The following WDR93 variants were observed in gnomAD, a reference collection of about 807,000 sequenced individuals.
WDR93 encodes the protein WD repeat-containing protein 93.
WDR93 carries 73 observed loss-of-function variants against 82.9 expected under a neutral mutation model. That is an observed-to-expected ratio of 0.88 (90% confidence interval 0.73 to 1.07). The LOEUF (loss-of-function observed/expected upper bound fraction) is 1.07, where lower values mean the gene tolerates loss of function less well. WDR93 is among the 50% of genes least tolerant of loss of function. The pLI is 0.00. For synonymous variants in WDR93, 283 were observed against 300.1 expected (o/e 0.94, Z 0.59); for missense variants, 738 against 826.0 (o/e 0.89, Z 1.31).
At chr15:89,694,034 A>G (rs1009901774) in intron 1 of WDR93, among the ~76,000 whole-genome samples, 1 of 152,204 alleles carries the variant, frequency 6.6e-6, no homozygotes, top group Non-Finnish European at 1.5e-5. Context: ...GAGCATTCTT[A>G]TTGTACATCT....
At chr15:89,691,698 C>T (rs988200874) in intron 1 of WDR93, among the ~76,000 whole-genome samples, 1 of 151,512 alleles carries the variant, frequency 6.6e-6, no homozygotes, top group African/African-American at 2.4e-5. Context: ...CCAGCCTGGG[C>T]GACAGAGCGA....
chr15:89,694,162 A>G (rs1965036885), intron 1 of WDR93, among the ~76,000 whole-genome samples: 1 of 151,554 alleles, frequency 6.6e-6, no homozygotes, highest in African/African-American at 2.4e-5. Context: ...ACATCTTTTT[A>G]TGAGTCTATC....
chr15:89,707,654 TG>T (rs1965782314), intron 4 of WDR93, among the ~76,000 whole-genome samples: 1 of 152,090 alleles, frequency 6.6e-6, no homozygotes, highest in Non-Finnish European at 1.5e-5. Flanking sequence ...CCATACCAAG[TG>T]TTGGCAAAGA....
chr15:89,700,274 C>T (rs369001234), intron 1 of WDR93, among the ~76,000 whole-genome samples: 1 of 152,132 alleles, frequency 6.6e-6, no homozygotes, highest in Non-Finnish European at 1.5e-5. Context: ...GTGAGCTCAG[C>T]TTACTCTCCC....
rs1965552587 is a variant in WDR93, at chr15:89,703,137, A to C, written c.491A>C (p.Glu164Ala). ...GAAATACTCATTGCTCCTGTGGATG[A>C]AATGGGTATTGTTCTTCATCTTCCT... The part of the protein sequence containing the change: ...GNEILIAPVD[E>A]MGIIRLFYFY... Residue 164 changes from glutamate (E) to alanine (A), a missense_variant, in exon 3 of 17, where the codon GAA becomes GCA. Physicochemically the swap from Glu to Ala is moderately radical, Grantham distance 107. Coordinates refer to ENST00000268130, the MANE Select transcript of WDR93 (RefSeq NM_020212.2). The C allele has an allele frequency of 1.2e-6, 2 of 1,614,164 alleles. No individual in the cohort carries two copies. The highest frequency in any genetic ancestry group is 1.1e-5 in the South Asian group (1 of 91,086).
intron 3 of WDR93, 39 bp downstream of exon 3, chr15:89,703,181 G>T (rs766531719): frequency 1.9e-6 from 3 of 1,609,004 alleles, no homozygotes; most frequent in East Asian, 2.2e-5. Flanking sequence ...TCATTTACAG[G>T]TACCTGTAGA....
At chr15:89,690,511 A>C, upstream of WDR93, 1 of 1,215,948 alleles carries the variant, frequency 8.2e-7, no homozygotes, top group South Asian at 1.3e-5. Flanking sequence ...TCCCGGGTGC[A>C]GGGGAATAGG....
Position 89,721,991 on chromosome 15 carries a change from A to G in WDR93, c.796-64A>G. On this transcript the variant is annotated intron_variant, in intron 7 of 16. Coordinates refer to ENST00000268130, the MANE Select transcript of WDR93 (RefSeq NM_020212.2). ...TTTTCCACCTTCTTTTAAAATTAGT[A>G]TTTTTAATTATTCTATTTCCTCTCT... 5.4e-6 allele frequency: 6 copies of G among 1,106,288 alleles called. No homozygotes were observed. The South Asian group carries it at 5.9e-5, about 11-fold the overall frequency. 68.5% of individuals were successfully genotyped at this position (1,106,288 alleles called of 1,614,324 possible).
chr15:89,710,479 A>T (rs938990145), intron 4 of WDR93, among the ~76,000 whole-genome samples: 1 of 152,230 alleles, frequency 6.6e-6, no homozygotes, highest in Admixed American at 6.5e-5. Flanking sequence ...GATAATGGTA[A>T]CGTCCTATAC....
At position 89,729,729 on chromosome 15, in the gene WDR93, C is replaced by T; in HGVS notation, c.1170C>T (p.Phe390=). The T allele has an allele frequency of 3.7e-6, 6 of 1,613,458 alleles. No homozygotes were observed. Among genetic ancestry groups the T allele is most frequent in the Admixed American group, 1.7e-5 (1 of 59,914 alleles). ...LGIHWTRSHN[F]FLYSLNRTLK... ...TACACTGGACCAGAAGTCACAATTT[C>T]TTCCTGTATTCACTAAACCGAACTC... is the stretch of plus-strand genomic sequence containing the variant. Residue 390 remains phenylalanine (F), a synonymous_variant, in exon 11 of 17, where the codon TTC becomes TTT. Coordinates refer to ENST00000268130, the MANE Select transcript of WDR93 (RefSeq NM_020212.2).
At chr15:89,730,581 T>C (rs191064343) in intron 11 of WDR93, among the ~76,000 whole-genome samples, 84 of 152,194 alleles carry the variant, frequency 5.5e-4, no homozygotes, top group Non-Finnish European at 1.0e-3. Context: ...TAAGGAAATA[T>C]AGGTTGTTGT....
At chr15:89,724,187 C>CA in intron 8 of WDR93, among the ~76,000 whole-genome samples, 1 of 146,042 alleles carries the variant, frequency 6.8e-6, no homozygotes, top group Non-Finnish European at 1.5e-5. Flanking sequence ...AAAAAAAATA[C>CA]AAAAATTAGC....
intron 8 of WDR93, among the ~76,000 whole-genome samples, chr15:89,726,475 C>T (rs1371376015): frequency 1.3e-5 from 2 of 152,200 alleles, no homozygotes; most frequent in East Asian, 3.8e-4. Context: ...TCTGAGGAAG[C>T]AGTCAAGGGC....
rs376180675 is a variant in WDR93 at position 89,702,049 on chromosome 15, G to T, written c.303G>T (p.Gln101His). The change falls in exon 2 of 17, where the codon CAG becomes CAT. Residue 101 changes from glutamine (Q) to histidine (H), a missense_variant and splice_region_variant. Transcript: ENST00000268130. ...TCTACCCTCCACTTGGAGAAATCCA[G>T]GTATGGAGTAAGCAGTTGACCAGGA... ...PTVYPPLGEIQLNKMPNCMAV... is the reference protein window; with the variant it reads ...PTVYPPLGEIHLNKMPNCMAV... The T allele has an allele frequency of 1.9e-6, 3 of 1,606,114 alleles. No individual in the cohort carries two copies. The highest frequency in any genetic ancestry group is 8.5e-7 in the Non-Finnish European group (1 of 1,175,170).
chr15:89,735,582 C>T (rs763992877), intron 14 of WDR93, 29 bp downstream of exon 14: 2 of 1,597,490 alleles, frequency 1.3e-6, no homozygotes, highest in Admixed American at 1.7e-5. Flanking sequence ...TCTGTAAATG[C>T]CCCATGCCTC....
At position 89,731,771 on chromosome 15, in the gene WDR93, T is replaced by A. The variant is rs3743116; in HGVS notation, c.1330+209T>A. Among the ~76,000 whole-genome samples the A allele has an allele frequency of 1.5e-4, 23 of 152,320 alleles. 1 individual carries two copies. In the East Asian group the frequency reaches 4.4e-3, roughly 29 times the overall value. ...GTGCTAATGCTTCCCACTGCCCATG[T>A]GTTTATTGAGTGACTTCTCTGAGCC... On this transcript the variant is annotated intron_variant, in intron 12 of 16. Coordinates refer to ENST00000268130, the MANE Select transcript of WDR93 (RefSeq NM_020212.2).
chr15:89,737,570 C>G lies in WDR93; in HGVS notation c.1609-3C>G. 1 of 1,614,196 alleles carries G rather than the reference C, an allele frequency of 6.2e-7. No individual in the cohort carries two copies. Among genetic ancestry groups the G allele is most frequent in the Non-Finnish European group, 8.5e-7 (1 of 1,180,030 alleles). On this transcript the variant is annotated splice_polypyrimidine_tract_variant and splice_region_variant and intron_variant, in intron 14 of 16. Transcript: ENST00000268130. Reference sequence around the variant, plus strand: ...CCCCCCTCACCATCTCTTTGCTTCCCAGGTGCTCATCTTTTCCAAGAATGG... The same window carrying G: ...CCCCCCTCACCATCTCTTTGCTTCCGAGGTGCTCATCTTTTCCAAGAATGG...
At chr15:89,708,178 G>C (rs1965806168) in intron 4 of WDR93, among the ~76,000 whole-genome samples, 1 of 152,204 alleles carries the variant, frequency 6.6e-6, no homozygotes, top group Non-Finnish European at 1.5e-5. Context: ...TATGTTCACT[G>C]TCTTGATTGT....
intron 8 of WDR93, among the ~76,000 whole-genome samples, 200 bp downstream of exon 8, chr15:89,722,339 TTAAC>T (rs1276910838): frequency 2.0e-5 from 3 of 152,226 alleles, no homozygotes; most frequent in African/African-American, 4.8e-5. Context: ...TTACATACAG[TTAAC>T]TAACAGAATT....
Sources: allele counts gnomAD v4.1 joint callset (sites outside exome capture counted in the v4.1 genomes callset), GRCh38; gene constraint gnomAD v4.1.1; transcripts MANE v1.5; gene names NCBI Gene and HGNC (gene_info 2026-07-23, HGNC 2026-07-21).